Variants in KIF20B observed in about 807,000 individuals in gnomAD.
The protein encoded by KIF20B is kinesin family member 20B, also known as kinesin-like protein KIF20B.
KIF20B carries 188 observed loss-of-function variants against 232.5 expected under a neutral mutation model. The observed-to-expected ratio is 0.81, with a 90% CI of 0.72 to 0.91. KIF20B has a LOEUF of 0.91. KIF20B is among the 40% of genes least tolerant of loss of function. The pLI is 0.00. For missense variants in KIF20B, 2,154 were observed against 2,055.9 expected (o/e 1.05, Z -0.92); for synonymous variants, 712 against 683.0 (o/e 1.04, Z -0.66).
intron 19 of KIF20B, among the ~76,000 whole-genome samples, chr10:89,735,212 A>G (rs184191221): frequency 1.3e-4 from 20 of 152,334 alleles, no homozygotes; most frequent in Admixed American, 6.5e-4. Flanking sequence ...ATAAATTATT[A>G]TTGCAAAAAT....
intron 8 of KIF20B, among the ~76,000 whole-genome samples, chr10:89,716,115 A>G (rs6586219): frequency 0.044 from 6,649 of 152,342 alleles, 190 homozygotes; most frequent in Middle Eastern, 0.082. Context: ...GTAATTTTAC[A>G]GGTTTAATCT....
In KIF20B at chr10:89,703,755, C is replaced by CT. The variant is rs68124594; in HGVS notation, c.-1-1521dup. 2.2e-3 allele frequency among the ~76,000 whole-genome samples: 298 copies of CT among 137,536 alleles called. 1 individual carries two copies. The highest frequency in any genetic ancestry group is 4.1e-3 in the Admixed American group (57 of 13,910). The allele number at this position is 137,536 out of a possible 152,430, so 90.2% of individuals were successfully genotyped here. On this transcript the variant is annotated intron_variant, in intron 1 of 32. Transcript: ENST00000371728. The stretch of plus-strand genomic sequence containing the variant: ...CTTTGGCGCCCCAGCAGGCTTTTCC[C>CT]TTTTTTTTTTTTTTTTTTGACGCAG...
In KIF20B at chr10:89,762,769, T is replaced by G. The variant is rs1842272339; in HGVS notation, c.4923T>G (p.Gly1641=). ...ACAAAATGGCAGTGAAACACCCTGG[T>G]TGTACCACACCAGTGACAGTTAAGA... ...QPNKMAVKHP[G]CTTPVTVKIP... is the part of the protein sequence containing the mutation. The change falls in exon 29 of 33, where the codon GGT becomes GGG. Residue 1641 remains glycine (G), a synonymous_variant. Coordinates refer to ENST00000371728, the MANE Select transcript of KIF20B (RefSeq NM_001284259.2). 1 of 1,613,532 alleles carries G rather than the reference T, an allele frequency of 6.2e-7. No homozygotes were observed. Among genetic ancestry groups the G allele is most frequent in the South Asian group, 1.1e-5 (1 of 91,068 alleles).
At chr10:89,769,518 T>C (rs1038344425) in intron 31 of KIF20B, among the ~76,000 whole-genome samples, 3 of 152,000 alleles carry the variant, frequency 2.0e-5, no homozygotes, top group Non-Finnish European at 1.5e-5. Flanking sequence ...TGTTTTTTTT[T>C]CTGTGCATAT....
At chr10:89,716,349 A>G (rs1842933350) in intron 8 of KIF20B, 87 bp from the exon 9 acceptor site, 3 of 611,828 alleles carry the variant, frequency 4.9e-6, no homozygotes. Context: ...ATTATATGTC[A>G]CTAGGAAAAG....
At position 89,760,734 on chromosome 10, in the gene KIF20B, A is replaced by G. The variant is rs550005489; in HGVS notation, c.4791+98A>G. The G allele has an allele frequency of 1.1e-4, 76 of 719,844 alleles. No individual in the cohort carries two copies. The African/African-American group carries it at 1.2e-3, about 11-fold the overall frequency. The allele number at this position is 719,844 out of a possible 1,614,324, so 44.6% of individuals were successfully genotyped here. A position where few individuals can be genotyped will look rare whatever the true frequency, so the allele number is the denominator to read the frequency against. On this transcript the variant is annotated intron_variant, in intron 28 of 32. Transcript: ENST00000371728. ...GTTGCTGAAGATACCTTACTGCACA[A>G]TTAGCTGTGTGTGCTCTGGGCTGTG...
intron 8 of KIF20B, among the ~76,000 whole-genome samples, chr10:89,715,736 A>G (rs973681986): frequency 6.6e-6 from 1 of 152,194 alleles, no homozygotes; most frequent in Non-Finnish European, 1.5e-5. Flanking sequence ...CACACCTGTA[A>G]TCCCAGCACT....
At chr10:89,753,128 A>G (rs1037574823) in intron 25 of KIF20B, among the ~76,000 whole-genome samples, 1 of 152,186 alleles carries the variant, frequency 6.6e-6, no homozygotes, top group Non-Finnish European at 1.5e-5. Context: ...ACTATACTAT[A>G]TAGAAGGTAT....
At chr10:89,707,295 C>A (rs548679568) in intron 2 of KIF20B, among the ~76,000 whole-genome samples, 3 of 152,276 alleles carry the variant, frequency 2.0e-5, no homozygotes, top group South Asian at 4.1e-4. Context: ...AACCATTACC[C>A]TCAAAAGTTT....
Position 89,719,502 on chromosome 10 carries a change from T to A in KIF20B, c.1518T>A (p.Ser506Arg). 6.2e-7 allele frequency: 1 copy of A among 1,608,902 alleles called. No homozygotes were observed. Among genetic ancestry groups the A allele is most frequent in the South Asian group, 1.1e-5 (1 of 90,866 alleles). Residue 506 changes from serine to arginine, a missense_variant, in exon 13 of 33, where the codon AGT (serine) becomes AGA (arginine). Transcript: ENST00000371728. ...VKSSQDVSLD[S>R]NSNSKILNVK... ...CTTCTCAAGATGTATCACTAGACAG[T>A]AATTCAAACAGTAAAATATTAAATG...
chr10:89,769,232 T>C (rs1842421614), intron 31 of KIF20B, among the ~76,000 whole-genome samples: 1 of 151,982 alleles, frequency 6.6e-6, no homozygotes, highest in Non-Finnish European at 1.5e-5. Context: ...ATTTATCCTG[T>C]GTATTGAAAT....
intron 24 of KIF20B, among the ~76,000 whole-genome samples, chr10:89,751,784 G>A (rs551318780): frequency 1.3e-5 from 2 of 152,018 alleles, no homozygotes; most frequent in South Asian, 4.2e-4. Context: ...ACCTTTGTCA[G>A]GCTTTTAGCA....
At chr10:89,709,829 G>C in intron 4 of KIF20B, 98 bp from the exon 5 acceptor site, 1 of 953,524 alleles carries the variant, frequency 1.0e-6, no homozygotes, top group Non-Finnish European at 1.4e-6. Flanking sequence ...TTTTAAGAAT[G>C]AATCTTTTAA....
intron 5 of KIF20B, 54 bp from the exon 6 acceptor site, chr10:89,710,907 G>C (rs1008487156): frequency 1.4e-6 from 2 of 1,441,020 alleles, no homozygotes; most frequent in African/African-American, 2.9e-5. Flanking sequence ...AACAAGTAAA[G>C]TTTCCTCTTT....
chr10:89,702,648 G>A (rs1344261121), intron 1 of KIF20B, among the ~76,000 whole-genome samples: 1 of 152,082 alleles, frequency 6.6e-6, no homozygotes, highest in Non-Finnish European at 1.5e-5. Flanking sequence ...GATTCTTATT[G>A]GAGAGAGGGT....
At chr10:89,724,395 C>T (rs879062799) in intron 14 of KIF20B, among the ~76,000 whole-genome samples, 1 of 151,990 alleles carries the variant, frequency 6.6e-6, no homozygotes, top group Non-Finnish European at 1.5e-5. Context: ...GGCGTACTGG[C>T]ATGTTCCTGA....
intron 31 of KIF20B, among the ~76,000 whole-genome samples, chr10:89,770,232 A>G (rs749199271): frequency 4.6e-5 from 7 of 152,052 alleles, no homozygotes; most frequent in African/African-American, 7.2e-5. Context: ...TGAAGATTGA[A>G]AATATCCTGA....
chr10:89,734,499 G>A (rs1231450938), intron 19 of KIF20B, among the ~76,000 whole-genome samples: 1 of 152,122 alleles, frequency 6.6e-6, no homozygotes, highest in East Asian at 1.9e-4. Context: ...CCACATTATG[G>A]TAGTACCTGA....
intron 21 of KIF20B, among the ~76,000 whole-genome samples, chr10:89,739,443 TA>T (rs1841745052): frequency 6.6e-6 from 1 of 152,146 alleles, no homozygotes; most frequent in African/African-American, 2.4e-5. Flanking sequence ...ACTTAATTTT[TA>T]AAAGGGAATG....
Sources: gnomAD v4.1 joint callset for allele counts (sites outside exome capture counted in the v4.1 genomes callset) on GRCh38, gnomAD v4.1.1 for gene constraint, MANE v1.5 for transcripts, NCBI Gene and HGNC (gene_info 2026-07-23, HGNC 2026-07-21) for gene names.